SNTG1: variants seen among roughly 807,000 people sequenced by gnomAD.
The protein encoded by SNTG1 is syntrophin gamma 1, also known as gamma-1-syntrophin.
A neutral mutation model predicts 74.7 loss-of-function variants in SNTG1; 39 were observed. The ratio of observed to expected loss-of-function variants is 0.52; its 90% CI spans 0.40 to 0.68. The LOEUF (loss-of-function observed/expected upper bound fraction) is 0.68. Ranked by LOEUF, SNTG1 falls within the 30% of genes least tolerant of loss-of-function variation. The pLI, the probability that SNTG1 is intolerant of heterozygous loss-of-function variation, is 0.00. For synonymous variants in SNTG1, 254 were observed against 217.1 expected, an observed-to-expected ratio of 1.17 and a Z score of -1.49; for missense variants, 685 against 609.5, an observed-to-expected ratio of 1.12 and a Z score of -1.30.
rs145644196 is a variant in SNTG1, at chr8:50,654,619, T to C, written c.850-2290T>C. On this transcript the variant is annotated intron_variant, in intron 13 of 18. Coordinates refer to ENST00000642720, the MANE Select transcript of SNTG1 (RefSeq NM_018967.5). ...ATGTACTTCATGAAGTTTTATTTCC[T>C]TATATTCTTGGTTATTTTTATTCTC... Among the ~76,000 whole-genome samples the C allele has an allele frequency of 1.6e-3, 247 of 152,310 alleles. 3 individuals are homozygous for C. The East Asian group carries it at 0.034, about 21-fold the overall frequency.
At chr8:50,266,003 A>G (rs2087446145) in intron 2 of SNTG1, among the ~76,000 whole-genome samples, 1 of 152,002 alleles carries the variant, frequency 6.6e-6, no homozygotes, top group Non-Finnish European at 1.5e-5. Context: ...TAAAAAAGCT[A>G]TACTTTACAC....
chr8:50,614,591 C>G (rs956267318), intron 13 of SNTG1, among the ~76,000 whole-genome samples: 11 of 152,038 alleles, frequency 7.2e-5, no homozygotes, highest in African/African-American at 2.2e-4. Context: ...GAGCAATGAC[C>G]TATGTTGAAA....
intron 1 of SNTG1, among the ~76,000 whole-genome samples, chr8:49,995,425 C>A (rs1814112521): frequency 6.6e-6 from 1 of 152,134 alleles, no homozygotes; most frequent in South Asian, 2.1e-4. Context: ...CTACTGAGAA[C>A]TGGAGAGAGT....
intron 4 of SNTG1, among the ~76,000 whole-genome samples, chr8:50,420,238 A>G (rs901412385): frequency 6.6e-6 from 1 of 152,190 alleles, no homozygotes; most frequent in East Asian, 1.9e-4. Flanking sequence ...TCACAAGCAA[A>G]TTCTGAGGAC....
At chr8:50,663,160 A>G (rs2095233437) in intron 15 of SNTG1, among the ~76,000 whole-genome samples, 1 of 152,174 alleles carries the variant, frequency 6.6e-6, no homozygotes, top group African/African-American at 2.4e-5. Context: ...AAACTTGCCC[A>G]GAGCTACAAA....
chr8:50,786,228 G>A (rs2095674767), intron 18 of SNTG1, among the ~76,000 whole-genome samples: 1 of 151,862 alleles, frequency 6.6e-6, no homozygotes, highest in Admixed American at 6.6e-5. Context: ...TTATATGTTA[G>A]CAATGGATTA....
intron 4 of SNTG1, among the ~76,000 whole-genome samples, chr8:50,412,527 G>T (rs2131403708): frequency 1.3e-5 from 2 of 152,212 alleles, no homozygotes; most frequent in African/African-American, 2.4e-5. Flanking sequence ...AGAGAATATG[G>T]TCTCTGGCAC....
chr8:50,713,153 G>C (rs534678410), intron 17 of SNTG1, among the ~76,000 whole-genome samples: 1 of 152,012 alleles, frequency 6.6e-6, no homozygotes, highest in African/African-American at 2.4e-5. Context: ...CCACATCCTC[G>C]CCAGCATCTG....
intron 1 of SNTG1, among the ~76,000 whole-genome samples, chr8:49,972,648 A>G (rs950365309): frequency 1.4e-5 from 2 of 140,176 alleles, no homozygotes; most frequent in African/African-American, 5.4e-5. Context: ...AGAATCTACA[A>G]TGAACTCTAA....
chr8:50,401,151 C>A (rs979443759), intron 3 of SNTG1, among the ~76,000 whole-genome samples: 5 of 151,908 alleles, frequency 3.3e-5, no homozygotes, highest in African/African-American at 1.2e-4. Flanking sequence ...TATATATATT[C>A]CACTATCTTA....
chr8:50,339,365 TA>T (rs967596251), intron 2 of SNTG1, among the ~76,000 whole-genome samples: 2 of 151,858 alleles, frequency 1.3e-5, no homozygotes, highest in Non-Finnish European at 2.9e-5. Flanking sequence ...AAAAGAGAAT[TA>T]AAAAATAAAT....
At chr8:50,723,321 G>A (rs2095492235) in intron 17 of SNTG1, among the ~76,000 whole-genome samples, 1 of 152,062 alleles carries the variant, frequency 6.6e-6, no homozygotes. Flanking sequence ...CTTTCGACTT[G>A]ATCTCTACCA....
chr8:50,037,779 T>C (rs1436204314), intron 1 of SNTG1, among the ~76,000 whole-genome samples: 1 of 152,224 alleles, frequency 6.6e-6, no homozygotes, highest in African/African-American at 2.4e-5. Flanking sequence ...TAAATTTATA[T>C]AATAGCAATA....
intron 2 of SNTG1, among the ~76,000 whole-genome samples, chr8:50,392,655 T>C (rs1050941405): frequency 1.1e-4 from 16 of 152,198 alleles, no homozygotes; most frequent in African/African-American, 3.6e-4. Context: ...AGAAATTCTT[T>C]GTGCTTATAT....
chr8:50,204,142 G>T (rs2084102258), intron 2 of SNTG1, among the ~76,000 whole-genome samples: 4 of 152,064 alleles, frequency 2.6e-5, no homozygotes, highest in Non-Finnish European at 4.4e-5. Flanking sequence ...CTCAAGTTTT[G>T]GTGGCTAAGA....
chr8:50,664,025 T>A (rs1455103621), intron 15 of SNTG1, among the ~76,000 whole-genome samples: 2 of 152,186 alleles, frequency 1.3e-5, no homozygotes, highest in African/African-American at 4.8e-5. Flanking sequence ...TATTCAACAG[T>A]TTATATTTCT....
intron 1 of SNTG1, among the ~76,000 whole-genome samples, chr8:49,966,011 T>C (rs375646545): frequency 1.3e-5 from 2 of 152,192 alleles, no homozygotes; most frequent in Non-Finnish European, 2.9e-5. Context: ...CTGTGCATCT[T>C]CCTTGTTATG....
chr8:50,497,564 CA>C (rs1226409966), intron 8 of SNTG1, among the ~76,000 whole-genome samples: 3 of 151,272 alleles, frequency 2.0e-5, no homozygotes, highest in Admixed American at 1.3e-4. Context: ...CATTCTAAGC[CA>C]AAAAAAGCAA....
intron 4 of SNTG1, among the ~76,000 whole-genome samples, chr8:50,422,262 A>ATCTG (rs1563364729): frequency 4.6e-4 from 60 of 130,528 alleles, no homozygotes; most frequent in Middle Eastern, 3.6e-3. Flanking sequence ...CTATCTATCT[A>ATCTG]TCTATCTACT....
Sources: allele counts gnomAD v4.1 joint callset (sites outside exome capture counted in the v4.1 genomes callset), GRCh38; gene constraint gnomAD v4.1.1; transcripts MANE v1.5; gene names NCBI Gene and HGNC (gene_info 2026-07-23, HGNC 2026-07-21).